Variants in AP3S1 observed in about 807,000 individuals in gnomAD.
AP3S1 encodes AP-3 complex subunit sigma-1.
In AP3S1, 12 loss-of-function variants were observed where a neutral mutation model predicts 21.3. That is an observed-to-expected ratio of 0.56 (90% confidence interval 0.36 to 0.91). AP3S1 has a LOEUF of 0.91. AP3S1 is among the 40% of genes least tolerant of loss of function. AP3S1 has a pLI of 0.01. For synonymous variants in AP3S1, 48 were observed against 78.4 expected (o/e 0.61, Z 2.05); for missense variants, 116 against 225.0 (o/e 0.52, Z 3.10).
chr5:115,911,586 T>G (rs1752115337), intron 5 of AP3S1, among the ~76,000 whole-genome samples: 1 of 152,080 alleles, frequency 6.6e-6, no homozygotes, highest in Non-Finnish European at 1.5e-5. Flanking sequence ...TTTTTCTTCC[T>G]TAGTAGACAA....
chr5:115,852,841 A>G (rs76872682), intron 1 of AP3S1: 5,474 of 286,218 alleles, frequency 0.019, 318 homozygotes, highest in African/African-American at 0.11. Context: ...GGGGAAATAT[A>G]TATACACTGT....
Position 115,913,985 on chromosome 5 carries a change from G to A in AP3S1, c.*495G>A, listed in dbSNP as rs1227443638. 3 of 6,784 alleles carry A rather than the reference G, an allele frequency of 4.4e-4. No individual in the cohort carries two copies. The highest frequency in any genetic ancestry group is 1.1e-3 in the Non-Finnish European group (3 of 2,846). The allele number at this position is 6,784 out of a possible 1,614,324, so 0.4% of individuals were successfully genotyped here. Reference sequence around the variant, plus strand: ...ACTCCAAGGTAACTGGACTTCTAAAGCACCTTTCTGTTTGCCTGATATCTA... The same window carrying A: ...ACTCCAAGGTAACTGGACTTCTAAAACACCTTTCTGTTTGCCTGATATCTA... On this transcript the variant is annotated 3_prime_UTR_variant, in exon 6 of 6. Transcript: ENST00000316788.
At chr5:115,862,901 T>G (rs1580645846) in intron 1 of AP3S1, among the ~76,000 whole-genome samples, 1 of 152,302 alleles carries the variant, frequency 6.6e-6, no homozygotes, top group African/African-American at 2.4e-5. Context: ...TTATGTACCT[T>G]AGATAGAGGT....
chr5:115,842,271 G>A (rs547546733), intron 1 of AP3S1, among the ~76,000 whole-genome samples, 165 bp downstream of exon 1: 1 of 152,098 alleles, frequency 6.6e-6, no homozygotes, highest in Non-Finnish European at 1.5e-5. Context: ...GTGTGGACAG[G>A]GTGCCCACCT....
intron 3 of AP3S1, among the ~76,000 whole-genome samples, chr5:115,893,029 T>G (rs1561515666): frequency 6.6e-6 from 1 of 152,240 alleles, no homozygotes; most frequent in East Asian, 1.9e-4. Flanking sequence ...TGTCACCTCC[T>G]TGTGGTGAGG....
At chr5:115,850,628 G>C (rs975154685) in intron 1 of AP3S1, among the ~76,000 whole-genome samples, 1 of 152,102 alleles carries the variant, frequency 6.6e-6, no homozygotes, top group Non-Finnish European at 1.5e-5. Flanking sequence ...TTGTGTTTTG[G>C]AAACTGGCTT....
At chr5:115,852,834 G>T in intron 1 of AP3S1, 1 of 208,618 alleles carries the variant, frequency 4.8e-6, no homozygotes, top group South Asian at 6.8e-5. Flanking sequence ...TTAGTATGGG[G>T]AAATATATAT....
intron 3 of AP3S1, among the ~76,000 whole-genome samples, chr5:115,878,273 C>T (rs1412681832): frequency 6.6e-6 from 1 of 152,134 alleles, no homozygotes; most frequent in Non-Finnish European, 1.5e-5. Context: ...GTAGTCTTTG[C>T]CCATGCCTAT....
intron 3 of AP3S1, among the ~76,000 whole-genome samples, chr5:115,891,603 C>T (rs554852220): frequency 6.6e-6 from 1 of 152,140 alleles, no homozygotes; most frequent in Non-Finnish European, 1.5e-5. Flanking sequence ...GGGTGGGACC[C>T]TCATGGAGAA....
At position 115,892,590 on chromosome 5, in the gene AP3S1, G is replaced by A. The variant is rs552623120; in HGVS notation, c.274-2497G>A. 3.3e-3 allele frequency among the ~76,000 whole-genome samples: 502 copies of A among 152,206 alleles called. 3 individuals carry two copies. The highest frequency in any genetic ancestry group is 0.011 in the African/African-American group (472 of 41,550). ...ACATCATATGTTCTCCTTACTTTTA[G>A]GATCTAAAAGTCAAAACAGTTGAAC... On this transcript the variant is annotated intron_variant, in intron 3 of 5. Transcript: ENST00000316788.
intron 3 of AP3S1, among the ~76,000 whole-genome samples, chr5:115,886,665 G>A (rs779940771): frequency 4.6e-5 from 7 of 152,234 alleles, no homozygotes; most frequent in South Asian, 2.1e-4. Context: ...AAAGTTGTAC[G>A]CAGATTTTCA....
chr5:115,883,627 C>T (rs1036482142), intron 3 of AP3S1, among the ~76,000 whole-genome samples: 1 of 152,186 alleles, frequency 6.6e-6, no homozygotes, highest in African/African-American at 2.4e-5. Flanking sequence ...CTGGGAGCTG[C>T]AGACTGGATC....
At chr5:115,871,248 A>G (rs1748215890) in intron 3 of AP3S1, among the ~76,000 whole-genome samples, 2 of 152,186 alleles carry the variant, frequency 1.3e-5, no homozygotes, top group South Asian at 4.1e-4. Flanking sequence ...TACGTGTGGA[A>G]ACACAAGATC....
chr5:115,887,364 C>CT, intron 3 of AP3S1, among the ~76,000 whole-genome samples: 1 of 147,846 alleles, frequency 6.8e-6, no homozygotes, highest in East Asian at 2.0e-4. Context: ...CAGTGTAACC[C>CT]TTTTTTTTTT....
At chr5:115,899,806 A>G (rs1419018318) in intron 4 of AP3S1, among the ~76,000 whole-genome samples, 7 of 152,184 alleles carry the variant, frequency 4.6e-5, no homozygotes, top group Admixed American at 4.6e-4. Context: ...GATACATTTA[A>G]CATCTATTAT....
At chr5:115,870,398 T>G (rs1402426705) in intron 3 of AP3S1, among the ~76,000 whole-genome samples, 2 of 152,164 alleles carry the variant, frequency 1.3e-5, no homozygotes, top group Non-Finnish European at 2.9e-5. Flanking sequence ...TCTTAACACA[T>G]GTATCCAAAA....
chr5:115,909,392 A>G (rs959106803), intron 5 of AP3S1, among the ~76,000 whole-genome samples: 2 of 152,204 alleles, frequency 1.3e-5, no homozygotes, highest in Non-Finnish European at 2.9e-5. Context: ...GTATGTCTGT[A>G]TAAGTCTTTA....
At chr5:115,845,123 G>GT (rs1580599963) in intron 1 of AP3S1, among the ~76,000 whole-genome samples, 1 of 152,100 alleles carries the variant, frequency 6.6e-6, no homozygotes, top group Non-Finnish European at 1.5e-5. Flanking sequence ...TTACTCAGCT[G>GT]TTTCTGTTTT....
intron 3 of AP3S1, among the ~76,000 whole-genome samples, chr5:115,882,702 C>G (rs1422240755): frequency 6.6e-6 from 1 of 152,308 alleles, no homozygotes; most frequent in East Asian, 1.9e-4. Flanking sequence ...AGGAGGCAGT[C>G]TGTCTCTTAT....
Sources: allele counts gnomAD v4.1 joint callset (sites outside exome capture counted in the v4.1 genomes callset), GRCh38; gene constraint gnomAD v4.1.1; transcripts MANE v1.5; gene names NCBI Gene and HGNC (gene_info 2026-07-23, HGNC 2026-07-21).